ATR: variants seen among roughly 807,000 people sequenced by gnomAD.
ATR encodes ATR checkpoint kinase.
In ATR, 142 loss-of-function variants were observed where a neutral mutation model predicts 305.3. The observed-to-expected ratio is 0.47, with a 90% confidence interval of 0.41 to 0.53. The LOEUF is 0.53. ATR is among the 20% of genes least tolerant of loss of function. The probability of loss-of-function intolerance (pLI) is 0.00; values close to 1 mark genes in which losing one functional copy is unlikely to be tolerated. For synonymous variants in ATR, 1,050 were observed against 1,068.1 expected, an observed-to-expected ratio of 0.98 and a Z score of 0.33; for missense variants, 2,135 against 3,133.1, an observed-to-expected ratio of 0.68 and a Z score of 7.60.
At chr3:142,451,304 T>TG (rs2070784913) in intron 46 of ATR, 1 of 1,238,954 alleles carries the variant, frequency 8.1e-7, no homozygotes, top group Non-Finnish European at 1.0e-6. Flanking sequence ...TGTGGGCAAG[T>TG]TTGCCTGTCC....
intron 36 of ATR, among the ~76,000 whole-genome samples, chr3:142,484,596 G>T (rs2030786539): frequency 6.6e-6 from 1 of 152,094 alleles, no homozygotes; most frequent in South Asian, 2.1e-4. Flanking sequence ...CCTGAGTTCT[G>T]TGAGCCACTC....
intron 36 of ATR, among the ~76,000 whole-genome samples, chr3:142,481,453 T>C (rs1198423241): frequency 6.6e-6 from 1 of 152,236 alleles, no homozygotes; most frequent in Non-Finnish European, 1.5e-5. Flanking sequence ...TTTGGATTAC[T>C]AGTATACCTT....
At chr3:142,482,841 A>T (rs977120583) in intron 36 of ATR, among the ~76,000 whole-genome samples, 3 of 151,832 alleles carry the variant, frequency 2.0e-5, no homozygotes, top group African/African-American at 7.2e-5. Flanking sequence ...ATTAAAAAAA[A>T]AAAAAAAGAA....
chr3:142,490,135 T>G (rs547693418), intron 35 of ATR, among the ~76,000 whole-genome samples: 1 of 152,222 alleles, frequency 6.6e-6, no homozygotes, highest in African/African-American at 2.4e-5. Context: ...CATAGCTAAC[T>G]GTAACCTTGA....
At chr3:142,514,715 G>C (rs1431364169) in intron 25 of ATR, among the ~76,000 whole-genome samples, 1 of 150,348 alleles carries the variant, frequency 6.7e-6, no homozygotes, top group African/African-American at 2.4e-5. Flanking sequence ...GCTGAGGCGG[G>C]AGAATCACTT....
Position 142,562,585 on chromosome 3 carries a change from A to C in ATR, c.817T>G (p.Phe273Val). 2 of 1,614,048 alleles carry C rather than the reference A, an allele frequency of 1.2e-6. No individual in the cohort carries two copies. The highest frequency in any genetic ancestry group is 1.1e-5 in the South Asian group (1 of 91,058). Reference sequence around the variant, plus strand: ...ACAAGGTGTTTTAATAATTCCAAAAATGAGCTGAAAAAAGTGCTAGCTGGT... The same window carrying C: ...ACAAGGTGTTTTAATAATTCCAAAACTGAGCTGAAAAAAGTGCTAGCTGGT... ...AQPASTFFSS[F>V]LELLKHLVEM... The change falls in exon 4 of 47, where the codon TTT (phenylalanine) becomes GTT (valine). Residue 273 changes from phenylalanine to valine, a missense_variant. Phe to Val is a conservative substitution (Grantham distance 50, BLOSUM62 -1). Coordinates refer to ENST00000350721, the MANE Select transcript of ATR (RefSeq NM_001184.4).
At chr3:142,571,274 C>T (rs761573294) in intron 1 of ATR, among the ~76,000 whole-genome samples, 2 of 151,958 alleles carry the variant, frequency 1.3e-5, no homozygotes, top group Non-Finnish European at 2.9e-5. Flanking sequence ...TAAACCATCC[C>T]GGCTAACATG....
Position 142,562,409 on chromosome 3 carries a change from G to A in ATR, c.993C>T (p.Asp331=), listed in dbSNP as rs139379319. 574 of 1,613,974 alleles carry A rather than the reference G, an allele frequency of 3.6e-4. 3 individuals carry two copies. The highest frequency in any genetic ancestry group is 1.6e-4 in the Middle Eastern group (1 of 6,084). Residue 331 remains aspartate, a synonymous_variant, in exon 4 of 47, where the codon GAC becomes GAT. Transcript: ENST00000350721. ...CAGACTTAAGCCGCATGAGCACACC[G>A]TCTTCAAACATGACACAGAGTTTTT... The part of the protein sequence containing the change: ...LLEKLCVMFE[D]GVLMRLKSDL...
At chr3:142,506,457 G>A (rs1316538615) in intron 28 of ATR, among the ~76,000 whole-genome samples, 1 of 152,124 alleles carries the variant, frequency 6.6e-6, no homozygotes, top group Non-Finnish European at 1.5e-5. Context: ...ACTTTGAGAG[G>A]CCAAGGCAGG....
At chr3:142,473,597 G>A (rs1201700159) in intron 36 of ATR, among the ~76,000 whole-genome samples, 1 of 150,832 alleles carries the variant, frequency 6.6e-6, no homozygotes, top group Non-Finnish European at 1.5e-5. Flanking sequence ...CCAGGCTGGA[G>A]TGCAATGGCA....
At chr3:142,549,029 C>CA (rs1236888080) in intron 15 of ATR, among the ~76,000 whole-genome samples, 1 of 149,196 alleles carries the variant, frequency 6.7e-6, no homozygotes, top group East Asian at 1.9e-4. Flanking sequence ...AATATGACAC[C>CA]AAAAAAAAGA....
intron 29 of ATR, 117 bp from the exon 30 acceptor site, chr3:142,503,570 TTTA>T (rs1244019204): frequency 1.5e-5 from 7 of 472,890 alleles, no homozygotes; most frequent in Non-Finnish European, 1.8e-5. Flanking sequence ...CCCTTATTTT[TTTA>T]TTATTATTAT....
chr3:142,459,545 G>T (rs566272249), intron 42 of ATR, among the ~76,000 whole-genome samples, 162 bp from the exon 43 acceptor site: 59 of 152,250 alleles, frequency 3.9e-4, no homozygotes, highest in African/African-American at 1.0e-3. Flanking sequence ...TAAAGTTACT[G>T]ATTGTATAAT....
At chr3:142,536,326 T>C in intron 19 of ATR, 125 bp from the exon 20 acceptor site, 1 of 693,568 alleles carries the variant, frequency 1.4e-6, no homozygotes, top group Non-Finnish European at 2.5e-6. Context: ...ATTACTGAGC[T>C]GCAAAGTATT....
At chr3:142,467,841 A>C (rs1426259609) in intron 39 of ATR, 93 bp downstream of exon 39, 1 of 1,447,334 alleles carries the variant, frequency 6.9e-7, no homozygotes, top group African/African-American at 1.4e-5. Flanking sequence ...TATAGTTAGA[A>C]TTTTAATTTA....
At chr3:142,503,521 T>A in intron 29 of ATR, 68 bp from the exon 30 acceptor site, 1 of 899,234 alleles carries the variant, frequency 1.1e-6, no homozygotes, top group African/African-American at 1.7e-5. Context: ...CAAAAACAGT[T>A]TAACTGATAT....
At chr3:142,467,592 C>T (rs971700974) in intron 39 of ATR, among the ~76,000 whole-genome samples, 1 of 151,992 alleles carries the variant, frequency 6.6e-6, no homozygotes, top group African/African-American at 2.4e-5. Flanking sequence ...CATAGACTAC[C>T]ATAAGTAACT....
intron 35 of ATR, among the ~76,000 whole-genome samples, chr3:142,488,424 C>T (rs2031082500): frequency 6.6e-6 from 1 of 152,084 alleles, no homozygotes; most frequent in South Asian, 2.1e-4. Flanking sequence ...CTCCCTGCAC[C>T]TGACCTCACA....
intron 1 of ATR, among the ~76,000 whole-genome samples, chr3:142,569,504 T>C (rs2035190614): frequency 6.6e-6 from 1 of 152,084 alleles, no homozygotes; most frequent in Admixed American, 6.5e-5. Context: ...GTATTTTTTG[T>C]AGAGACAGGG....
Sources: gnomAD v4.1 joint callset for allele counts (sites outside exome capture counted in the v4.1 genomes callset) on GRCh38, gnomAD v4.1.1 for gene constraint, MANE v1.5 for transcripts, NCBI Gene and HGNC (gene_info 2026-07-23, HGNC 2026-07-21) for gene names.